The following PHACTR4 variants were observed in gnomAD, a reference collection of about 807,000 sequenced individuals.
PHACTR4 encodes the protein phosphatase and actin regulator 4.
A neutral mutation model predicts 72.7 loss-of-function variants in PHACTR4; 51 were observed. The observed-to-expected ratio is 0.70, with a 90% CI of 0.56 to 0.89. The LOEUF (loss-of-function observed/expected upper bound fraction) is 0.89. Ranked by LOEUF, PHACTR4 falls within the 40% of genes least tolerant of loss-of-function variation. The pLI is 0.00. For missense variants in PHACTR4, 731 were observed against 861.8 expected, an observed-to-expected ratio of 0.85 and a Z score of 1.90; for synonymous variants, 255 against 302.5, an observed-to-expected ratio of 0.84 and a Z score of 1.63.
intron 1 of PHACTR4, among the ~76,000 whole-genome samples, chr1:28,388,574 G>C (rs1464930935): frequency 6.6e-6 from 1 of 152,074 alleles, no homozygotes; most frequent in Non-Finnish European, 1.5e-5. Flanking sequence ...AACTCTGGCT[G>C]GGCACGGTGG....
intron 1 of PHACTR4, among the ~76,000 whole-genome samples, chr1:28,387,989 A>G (rs1557779518): frequency 6.6e-6 from 1 of 151,158 alleles, no homozygotes; most frequent in African/African-American, 2.4e-5. Context: ...TGGCCTCCCA[A>G]AGTGCTGGGA....
rs371326239 is a variant in PHACTR4, at chr1:28,459,227, A to C, written c.159A>C (p.Lys53Asn). The change falls in exon 3 of 14, where the codon AAA becomes AAC. Residue 53 changes from lysine (K) to asparagine (N), a missense_variant. Lys to Asn is a moderately conservative substitution (Grantham distance 94, BLOSUM62 0). Around this residue, in one of 2 missense-constraint regions of PHACTR4, gnomAD observed 621 missense variants for 676.6 expected, o/e 0.92. Coordinates refer to ENST00000373839, the MANE Select transcript of PHACTR4 (RefSeq NM_001048183.3). ...IFKPWKWRKK[K>N]SSDKFKETSE... is the part of the protein sequence containing the mutation. ...AGCCCTGGAAATGGAGGAAAAAAAAAAGTAGTGATAAATTTAAAGAGACTT... is the reference window on the plus strand; with the variant it reads ...AGCCCTGGAAATGGAGGAAAAAAAACAGTAGTGATAAATTTAAAGAGACTT... 1.2e-6 allele frequency: 2 copies of C among 1,613,758 alleles called. No homozygotes were observed. The highest frequency in any genetic ancestry group is 1.7e-6 in the Non-Finnish European group (2 of 1,179,940).
intron 1 of PHACTR4, among the ~76,000 whole-genome samples, chr1:28,402,952 GAAATT>G (rs1346947567): frequency 6.6e-6 from 1 of 152,154 alleles, no homozygotes; most frequent in Non-Finnish European, 1.5e-5. Flanking sequence ...ATCTAATAGA[GAAATT>G]AAAGGTCTAT....
At chr1:28,457,265 G>T (rs1273902642) in intron 2 of PHACTR4, 2 of 436,612 alleles carry the variant, frequency 4.6e-6, no homozygotes, top group Non-Finnish European at 9.2e-6. Context: ...TAATGCTGTT[G>T]GTTGTATATT....
chr1:28,465,332 G>A (rs1659075926), intron 4 of PHACTR4, among the ~76,000 whole-genome samples: 1 of 152,052 alleles, frequency 6.6e-6, no homozygotes, highest in Non-Finnish European at 1.5e-5. Context: ...CGTGGTGGCA[G>A]GCGTCTAGTC....
At chr1:28,459,392 C>CTT in intron 3 of PHACTR4, 134 bp downstream of exon 3, 6 of 401,608 alleles carry the variant, frequency 1.5e-5, no homozygotes, top group South Asian at 7.4e-5. Context: ...TTCTTTCCTT[C>CTT]TTCTTTTTTT....
intron 6 of PHACTR4, chr1:28,467,065 T>G: frequency 4.3e-6 from 1 of 231,116 alleles, no homozygotes; most frequent in Non-Finnish European, 8.5e-6. Context: ...TACAAAAAAT[T>G]AGCCAGGCGT....
At chr1:28,459,279 T>A in intron 3 of PHACTR4, 21 bp downstream of exon 3, 1 of 1,598,412 alleles carries the variant, frequency 6.3e-7, no homozygotes, top group East Asian at 2.2e-5. Flanking sequence ...AAGGGTTAAA[T>A]GTGTGTTCTG....
At chr1:28,470,425 C>T (rs1006740710) in intron 6 of PHACTR4, among the ~76,000 whole-genome samples, 2 of 152,088 alleles carry the variant, frequency 1.3e-5, no homozygotes, top group African/African-American at 4.8e-5. Context: ...TACAGTGGCT[C>T]ACACCTGTAG....
At chr1:28,438,238 G>T in intron 2 of PHACTR4, 1 of 1,406,944 alleles carries the variant, frequency 7.1e-7, no homozygotes. Context: ...TTCAGCAGAT[G>T]AACTGACCTT....
intron 2 of PHACTR4, among the ~76,000 whole-genome samples, chr1:28,448,978 G>A (rs946151615): frequency 6.6e-6 from 1 of 151,498 alleles, no homozygotes; most frequent in Non-Finnish European, 1.5e-5. Context: ...AGCGAAACCT[G>A]ATCTCTACTA....
At chr1:28,384,984 A>C (rs765971462) in intron 1 of PHACTR4, among the ~76,000 whole-genome samples, 5 of 152,138 alleles carry the variant, frequency 3.3e-5, no homozygotes, top group Non-Finnish European at 7.4e-5. Context: ...TCAGTGTCTC[A>C]ATCTCCTTCA....
At chr1:28,496,281 C>T (rs905551211) in intron 13 of PHACTR4, among the ~76,000 whole-genome samples, 6 of 151,814 alleles carry the variant, frequency 4.0e-5, no homozygotes, top group African/African-American at 1.5e-4. Context: ...TGGTCTCAAT[C>T]TCCTGACCTC....
chr1:28,461,649 C>T (rs575309804), intron 4 of PHACTR4, among the ~76,000 whole-genome samples: 1 of 151,910 alleles, frequency 6.6e-6, no homozygotes, highest in Non-Finnish European at 1.5e-5. Flanking sequence ...AATATTATTA[C>T]AATTGGTTAC....
chr1:28,426,031 A>G (rs1655816174), intron 2 of PHACTR4, among the ~76,000 whole-genome samples: 1 of 151,844 alleles, frequency 6.6e-6, no homozygotes, highest in Non-Finnish European at 1.5e-5. Flanking sequence ...GACCAGCCTG[A>G]CCAACATGGT....
rs181797596 is a variant in PHACTR4, at chr1:28,445,048, C to T, written c.17-14037C>T. ...TCAGCTCACTGCAACCTCCACCTCT[C>T]GGGTTCAAGCAATTCTCTGCCTCAG... On this transcript the variant is annotated intron_variant, in intron 2 of 13. Coordinates refer to ENST00000373839, the MANE Select transcript of PHACTR4 (RefSeq NM_001048183.3). Among the ~76,000 whole-genome samples the T allele has an allele frequency of 6.5e-3, 982 of 152,032 alleles. 6 individuals carry two copies. The highest frequency in any genetic ancestry group is 0.01 in the Non-Finnish European group (712 of 67,986).
Position 28,460,206 on chromosome 1 carries a change from T to C in PHACTR4, c.191-6T>C, listed in dbSNP as rs1570025079. 6.2e-7 allele frequency: 1 copy of C among 1,608,682 alleles called. No homozygotes were observed. Among genetic ancestry groups the C allele is most frequent in the Non-Finnish European group, 8.5e-7 (1 of 1,175,876 alleles). ...TTCTGAGTGCCATTTTCCAATTTAA[T>C]GTTAGTTTTAGAACGGAAAATATCT... On this transcript the variant is annotated splice_polypyrimidine_tract_variant and splice_region_variant and intron_variant, in intron 3 of 13. Coordinates refer to ENST00000373839, the MANE Select transcript of PHACTR4 (RefSeq NM_001048183.3).
chr1:28,411,351 T>A (rs1449266760), intron 2 of PHACTR4, among the ~76,000 whole-genome samples: 2 of 152,240 alleles, frequency 1.3e-5, no homozygotes, highest in Non-Finnish European at 2.9e-5. Context: ...AGATTATTTT[T>A]TTCTAAACAC....
chr1:28,450,158 C>G (rs894199164), intron 2 of PHACTR4, among the ~76,000 whole-genome samples: 7 of 152,142 alleles, frequency 4.6e-5, no homozygotes, highest in African/African-American at 1.4e-4. Flanking sequence ...ACTGTCAACT[C>G]TGTGACGTGC....
Sources: allele counts gnomAD v4.1 joint callset (sites outside exome capture counted in the v4.1 genomes callset), GRCh38; gene constraint gnomAD v4.1.1; regional missense constraint gnomAD v4.1.1; transcripts MANE v1.5; gene names NCBI Gene and HGNC (gene_info 2026-07-23, HGNC 2026-07-21).